PID1: variants seen among roughly 807,000 people sequenced by gnomAD.
The protein encoded by PID1 is phosphotyrosine interaction domain containing 1, also known as PTB-containing, cubilin and LRP1-interacting protein.
PID1 carries 10 observed loss-of-function variants against 19.1 expected under a neutral mutation model. The observed-to-expected ratio is 0.52, with a 90% CI of 0.32 to 0.89. The LOEUF is 0.89. Among genes scored for constraint, PID1 ranks in the 40% least tolerant of loss-of-function variants. The probability of loss-of-function intolerance (pLI) is 0.03; values close to 1 mark genes in which losing one functional copy is unlikely to be tolerated. For synonymous variants in PID1, 130 were observed against 116.0 expected (o/e 1.12, Z -0.78); for missense variants, 248 against 285.3 (o/e 0.87, Z 0.94).
intron 1 of PID1, among the ~76,000 whole-genome samples, chr2:229,254,926 A>G (rs1430207501): frequency 6.6e-6 from 1 of 152,244 alleles, no homozygotes; most frequent in African/African-American, 2.4e-5. Flanking sequence ...AAGCTTCTGC[A>G]GCAGAAACTA....
chr2:229,239,446 G>A (rs1689809907), intron 1 of PID1, among the ~76,000 whole-genome samples: 1 of 152,038 alleles, frequency 6.6e-6, no homozygotes, highest in Non-Finnish European at 1.5e-5. Flanking sequence ...AGAAGACAAA[G>A]CCGAACCCCC....
intron 1 of PID1, among the ~76,000 whole-genome samples, chr2:229,199,555 G>T (rs1453343506): frequency 6.6e-6 from 1 of 151,596 alleles, no homozygotes; most frequent in Non-Finnish European, 1.5e-5. Context: ...CAAATAATAA[G>T]AACACACATA....
chr2:229,038,146 CA>C (rs1368253453), intron 2 of PID1, among the ~76,000 whole-genome samples: 1 of 152,102 alleles, frequency 6.6e-6, no homozygotes, highest in Non-Finnish European at 1.5e-5. Flanking sequence ...AGATTTGGAA[CA>C]AAAGAAGGAG....
rs78972631 is a variant in PID1, at chr2:229,227,470, T to G, written c.30+43544A>C. 9.8e-3 allele frequency among the ~76,000 whole-genome samples: 1,494 copies of G among 152,294 alleles called. 13 individuals carry two copies. The highest frequency in any genetic ancestry group is 0.015 in the Non-Finnish European group (1,004 of 68,028). On this transcript the variant is annotated intron_variant, in intron 1 of 2. Coordinates refer to ENST00000392055, the MANE Select transcript of PID1 (RefSeq NM_001100818.2). ...AGCAGATCAGTACCAGCTATCACAA[T>G]TTACTGAAGTTACAGACCTTTCAGG...
chr2:229,210,279 G>C (rs961870972), intron 1 of PID1, among the ~76,000 whole-genome samples: 1 of 151,876 alleles, frequency 6.6e-6, no homozygotes, highest in Non-Finnish European at 1.5e-5. Context: ...TTGGGAGGCC[G>C]AGGCAGGTGG....
chr2:229,088,773 C>T (rs1367516063), intron 2 of PID1, among the ~76,000 whole-genome samples: 1 of 151,990 alleles, frequency 6.6e-6, no homozygotes, highest in Non-Finnish European at 1.5e-5. Flanking sequence ...TGGAAGCCTG[C>T]TTCTGCTCTG....
intron 1 of PID1, among the ~76,000 whole-genome samples, chr2:229,260,004 C>A (rs1690414314): frequency 6.6e-6 from 1 of 152,148 alleles, no homozygotes; most frequent in Non-Finnish European, 1.5e-5. Context: ...TCTGTAGTTT[C>A]TAAGCTACTC....
chr2:229,096,704 C>A (rs1694977026), intron 2 of PID1, among the ~76,000 whole-genome samples: 1 of 152,158 alleles, frequency 6.6e-6, no homozygotes, highest in African/African-American at 2.4e-5. Flanking sequence ...TCAGAGCTTT[C>A]AGAAATTCAA....
At chr2:229,048,231 C>T (rs1693921944) in intron 2 of PID1, among the ~76,000 whole-genome samples, 1 of 152,140 alleles carries the variant, frequency 6.6e-6, no homozygotes, top group Admixed American at 6.6e-5. Context: ...GTTCTCCTAA[C>T]TCAGGAACCC....
intron 2 of PID1, among the ~76,000 whole-genome samples, chr2:229,110,784 G>C (rs1695281604): frequency 6.6e-6 from 1 of 152,084 alleles, no homozygotes; most frequent in Admixed American, 6.6e-5. Context: ...GGACAGGAAG[G>C]ATGCATAGTC....
At chr2:229,204,109 C>A (rs1691555288) in intron 1 of PID1, among the ~76,000 whole-genome samples, 1 of 152,040 alleles carries the variant, frequency 6.6e-6, no homozygotes, top group Non-Finnish European at 1.5e-5. Context: ...GATCAATACA[C>A]ACCATGCCTG....
chr2:229,145,323 T>C (rs1690108881), intron 2 of PID1, among the ~76,000 whole-genome samples: 1 of 151,660 alleles, frequency 6.6e-6, no homozygotes, highest in Admixed American at 6.6e-5. Context: ...CTGGAAACCA[T>C]AAGGCACATT....
intron 2 of PID1, among the ~76,000 whole-genome samples, chr2:229,031,214 T>TAAAAAAAAAAAAAAAAA (rs1274567780): frequency 4.4e-4 from 11 of 24,974 alleles, no homozygotes; most frequent in African/African-American, 1.8e-3. Context: ...AGACTCTGTC[T>TAAAAAAAAAAAAAAAAA]CAAAAAAAAA....
intron 1 of PID1, among the ~76,000 whole-genome samples, chr2:229,224,975 G>A (rs947599297): frequency 7.2e-5 from 11 of 152,138 alleles, no homozygotes; most frequent in African/African-American, 2.4e-4. Context: ...AAAACATTGT[G>A]AGATTCAAGT....
At chr2:229,184,968 T>G (rs1347980092) in intron 1 of PID1, among the ~76,000 whole-genome samples, 1 of 63,004 alleles carries the variant, frequency 1.6e-5, no homozygotes, top group Non-Finnish European at 2.9e-5. Context: ...ATCCCATATA[T>G]ATACTATATA....
At chr2:229,219,349 G>A (rs1160055861) in intron 1 of PID1, among the ~76,000 whole-genome samples, 1 of 152,110 alleles carries the variant, frequency 6.6e-6, no homozygotes, top group African/African-American at 2.4e-5. Flanking sequence ...TTCTTCACAT[G>A]GCAACAGCAA....
intron 2 of PID1, among the ~76,000 whole-genome samples, chr2:229,058,020 A>C (rs1694138277): frequency 6.6e-6 from 1 of 152,226 alleles, no homozygotes; most frequent in Non-Finnish European, 1.5e-5. Context: ...TACAATTCAT[A>C]AGGTCAATTG....
intron 1 of PID1, among the ~76,000 whole-genome samples, chr2:229,170,757 G>A (rs892872130): frequency 2.0e-5 from 3 of 152,180 alleles, no homozygotes; most frequent in African/African-American, 7.2e-5. Context: ...ATGCACGCAC[G>A]CATGGGAGTG....
intron 2 of PID1, among the ~76,000 whole-genome samples, chr2:229,135,823 G>C (rs1236342938): frequency 6.6e-6 from 1 of 152,172 alleles, no homozygotes; most frequent in Non-Finnish European, 1.5e-5. Context: ...GTGACATGCA[G>C]AACTCAGATT....
Sources: allele counts gnomAD v4.1 joint callset (sites outside exome capture counted in the v4.1 genomes callset), GRCh38; gene constraint gnomAD v4.1.1; transcripts MANE v1.5; gene names NCBI Gene and HGNC (gene_info 2026-07-23, HGNC 2026-07-21).